The following EPHA3 variants were observed in gnomAD, a reference collection of about 807,000 sequenced individuals.
EPHA3 encodes ephrin type-A receptor 3.
A neutral mutation model predicts 107.1 loss-of-function variants in EPHA3; 42 were observed. The ratio of observed to expected loss-of-function variants is 0.39; its 90% CI spans 0.31 to 0.51. The LOEUF (loss-of-function observed/expected upper bound fraction) is 0.51, where lower values mean the gene tolerates loss of function less well. EPHA3 is among the 20% of genes least tolerant of loss of function. The probability of loss-of-function intolerance (pLI) is 0.78; values close to 1 mark genes in which losing one functional copy is unlikely to be tolerated. For missense variants in EPHA3, 1,183 were observed against 1,211.2 expected (o/e 0.98, Z 0.35); for synonymous variants, 461 against 424.8 (o/e 1.09, Z -1.05).
At chr3:89,368,814 A>T (rs1708233674) in intron 5 of EPHA3, among the ~76,000 whole-genome samples, 1 of 148,646 alleles carries the variant, frequency 6.7e-6, no homozygotes, top group African/African-American at 2.5e-5. Context: ...ATTCACCCAG[A>T]AAAAACAAAA....
intron 5 of EPHA3, among the ~76,000 whole-genome samples, chr3:89,390,015 T>C (rs1345216767): frequency 6.6e-6 from 1 of 152,044 alleles, no homozygotes; most frequent in Non-Finnish European, 1.5e-5. Flanking sequence ...TTTTTGAGAC[T>C]GAGTCTCACT....
chr3:89,339,904 G>T (rs1559653090), intron 3 of EPHA3, among the ~76,000 whole-genome samples: 1 of 152,056 alleles, frequency 6.6e-6, no homozygotes, highest in Non-Finnish European at 1.5e-5. Context: ...TGACTTCCAA[G>T]GATCATCTTG....
intron 7 of EPHA3, chr3:89,400,479 G>T (rs1413078605): frequency 6.6e-6 from 1 of 152,204 alleles, no homozygotes; most frequent in African/African-American, 2.4e-5. Context: ...CTCGTGATCC[G>T]CCCGCGTTGG....
chr3:89,284,721 C>T (rs1226483052), intron 3 of EPHA3, among the ~76,000 whole-genome samples: 1 of 152,098 alleles, frequency 6.6e-6, no homozygotes, highest in East Asian at 1.9e-4. Flanking sequence ...CCTAAAAGGC[C>T]CCAAATGAAT....
intron 3 of EPHA3, among the ~76,000 whole-genome samples, chr3:89,296,802 T>C (rs138871150): frequency 1.9e-3 from 292 of 152,354 alleles, no homozygotes; most frequent in Middle Eastern, 6.8e-3. Context: ...TTTGTCTACA[T>C]TGAAAATTTC....
intron 9 of EPHA3, among the ~76,000 whole-genome samples, chr3:89,410,989 C>T (rs1426663907): frequency 6.6e-6 from 1 of 151,660 alleles, no homozygotes; most frequent in Non-Finnish European, 1.5e-5. Flanking sequence ...TCTGTGAGCT[C>T]AAAAGTAATG....
At chr3:89,169,536 T>C (rs1293437021) in intron 2 of EPHA3, among the ~76,000 whole-genome samples, 1 of 152,224 alleles carries the variant, frequency 6.6e-6, no homozygotes, top group Non-Finnish European at 1.5e-5. Context: ...TTGATAACTG[T>C]TATATATAAA....
intron 10 of EPHA3, among the ~76,000 whole-genome samples, chr3:89,414,555 C>T (rs1420505749): frequency 6.6e-6 from 1 of 151,592 alleles, no homozygotes; most frequent in Non-Finnish European, 1.5e-5. Context: ...AATGTTTCCT[C>T]ACAAGAGTGC....
intron 7 of EPHA3, among the ~76,000 whole-genome samples, chr3:89,402,013 A>G (rs1261539197): frequency 6.6e-5 from 10 of 152,240 alleles, no homozygotes; most frequent in Admixed American, 5.9e-4. Context: ...GCATATTATG[A>G]GGCAAAAAGC....
At chr3:89,243,754 C>A (rs1258102704) in intron 3 of EPHA3, among the ~76,000 whole-genome samples, 3 of 152,078 alleles carry the variant, frequency 2.0e-5, no homozygotes, top group Non-Finnish European at 4.4e-5. Context: ...TGCAGAAGCT[C>A]TTTAGCCTAG....
At chr3:89,374,692 C>T (rs1708368956) in intron 5 of EPHA3, among the ~76,000 whole-genome samples, 1 of 151,562 alleles carries the variant, frequency 6.6e-6, no homozygotes. Flanking sequence ...ATGTCTGCTG[C>T]TTGTTTGAGG....
intron 2 of EPHA3, among the ~76,000 whole-genome samples, chr3:89,173,415 C>T (rs1377737114): frequency 6.6e-6 from 1 of 151,996 alleles, no homozygotes; most frequent in East Asian, 1.9e-4. Context: ...GCAGATAAGT[C>T]ACCTCTCAAA....
At chr3:89,118,430 T>G (rs1444850048) in intron 1 of EPHA3, among the ~76,000 whole-genome samples, 1 of 151,876 alleles carries the variant, frequency 6.6e-6, no homozygotes, top group African/African-American at 2.4e-5. Context: ...AAAAATAAAA[T>G]GAGAGGAAGA....
intron 15 of EPHA3, among the ~76,000 whole-genome samples, chr3:89,450,608 C>T (rs767643835): frequency 3.9e-5 from 6 of 152,032 alleles, no homozygotes; most frequent in East Asian, 1.9e-4. Context: ...TACATTCAGG[C>T]TTGTTTAAGT....
At chr3:89,356,623 C>A (rs1181850839) in intron 5 of EPHA3, among the ~76,000 whole-genome samples, 3 of 151,120 alleles carry the variant, frequency 2.0e-5, no homozygotes, top group Non-Finnish European at 4.4e-5. Context: ...GCGTGACAAT[C>A]CTCAATGTAA....
chr3:89,429,315 A>G, intron 12 of EPHA3, 148 bp downstream of exon 12: 1 of 504,944 alleles, frequency 2.0e-6, no homozygotes, highest in Non-Finnish European at 3.4e-6. Context: ...GAAGGGCTGT[A>G]AAATTGCATC....
At chr3:89,314,909 T>C (rs1329459292) in intron 3 of EPHA3, among the ~76,000 whole-genome samples, 3 of 152,048 alleles carry the variant, frequency 2.0e-5, no homozygotes, top group Middle Eastern at 3.4e-3. Context: ...AGAATGTACT[T>C]ACACAAACCT....
chr3:89,212,428 T>G (rs1704123839), intron 3 of EPHA3, among the ~76,000 whole-genome samples: 1 of 152,012 alleles, frequency 6.6e-6, no homozygotes, highest in Admixed American at 6.6e-5. Flanking sequence ...ATACTAAAAC[T>G]GAGTCATCTG....
chr3:89,138,964 G>A (rs957200857), intron 2 of EPHA3, among the ~76,000 whole-genome samples: 3 of 151,728 alleles, frequency 2.0e-5, no homozygotes, highest in Non-Finnish European at 2.9e-5. Context: ...ACTAAGGAAA[G>A]CAAAAGAAAC....
Sources: gnomAD v4.1 joint callset for allele counts (sites outside exome capture counted in the v4.1 genomes callset) on GRCh38, gnomAD v4.1.1 for gene constraint, MANE v1.5 for transcripts, NCBI Gene and HGNC (gene_info 2026-07-23, HGNC 2026-07-21) for gene names.